RNF216: variants seen among roughly 807,000 people sequenced by gnomAD.
RNF216 encodes the protein ring finger protein 216, also known as E3 ubiquitin-protein ligase RNF216.
In RNF216, 72 loss-of-function variants were observed where a neutral mutation model predicts 110.8. That is an observed-to-expected ratio of 0.65 (90% CI 0.54 to 0.79). RNF216 has a LOEUF of 0.79. Ranked by LOEUF, RNF216 falls within the 30% of genes least tolerant of loss-of-function variation. The probability of loss-of-function intolerance (pLI) is 0.00; values close to 1 mark genes in which losing one functional copy is unlikely to be tolerated. For synonymous variants in RNF216, 495 were observed against 407.5 expected, an observed-to-expected ratio of 1.21 and a Z score of -2.59; for missense variants, 1,342 against 1,141.2, an observed-to-expected ratio of 1.18 and a Z score of -2.54.
chr7:5,634,721 C>T (rs1787293048), intron 15 of RNF216, among the ~76,000 whole-genome samples: 1 of 152,220 alleles, frequency 6.6e-6, no homozygotes, highest in Admixed American at 6.5e-5. Context: ...AGAATGTGGC[C>T]ATGTTTTGCG....
At chr7:5,715,601 G>C (rs1268159102) in intron 10 of RNF216, among the ~76,000 whole-genome samples, 1 of 45,270 alleles carries the variant, frequency 2.2e-5, no homozygotes, top group Non-Finnish European at 9.5e-5. Flanking sequence ...TAAGGAGTGT[G>C]AATGGGTCTA....
chr7:5,720,940 G>A (rs1793380059), intron 9 of RNF216, 93 bp downstream of exon 9: 6 of 1,249,392 alleles, frequency 4.8e-6, no homozygotes, highest in South Asian at 3.3e-5. Context: ...TGAAGAAAAG[G>A]GAAATCTTAA....
intron 8 of RNF216, among the ~76,000 whole-genome samples, 172 bp downstream of exon 8, chr7:5,725,152 C>T (rs1334437587): frequency 6.6e-6 from 1 of 152,210 alleles, no homozygotes; most frequent in African/African-American, 2.4e-5. Flanking sequence ...ACAAGTGCAG[C>T]CACTTCCTAA....
intron 1 of RNF216, among the ~76,000 whole-genome samples, chr7:5,769,594 T>C (rs1796388141): frequency 1.3e-5 from 2 of 151,410 alleles, no homozygotes; most frequent in East Asian, 2.0e-4. Context: ...CATGGTGGCA[T>C]GCACCTGTGG....
At position 5,737,827 on chromosome 7, in the gene RNF216, T is replaced by C. The variant is rs1033384700; in HGVS notation, c.1121+1449A>G. 9.2e-5 allele frequency among the ~76,000 whole-genome samples: 14 copies of C among 152,192 alleles called. No individual in the cohort carries two copies. In the East Asian group the frequency reaches 2.3e-3, roughly 25 times the overall value. On this transcript the variant is annotated intron_variant, in intron 5 of 16. Coordinates refer to ENST00000389902, the MANE Select transcript of RNF216 (RefSeq NM_207111.4). ...CCACCAGGCTGAGCACGGTGGCTTATGGCTGTAATCCCAGCACTTTGAGAG... is the reference window on the plus strand; with the variant it reads ...CCACCAGGCTGAGCACGGTGGCTTACGGCTGTAATCCCAGCACTTTGAGAG...
chr7:5,689,220 A>G (rs951978462), intron 13 of RNF216, among the ~76,000 whole-genome samples: 1 of 152,052 alleles, frequency 6.6e-6, no homozygotes, highest in African/African-American at 2.4e-5. Context: ...ACGGGGGCAA[A>G]GGGCAGGCCT....
At chr7:5,733,355 A>T (rs375179866) in intron 5 of RNF216, among the ~76,000 whole-genome samples, 2 of 152,202 alleles carry the variant, frequency 1.3e-5, no homozygotes, top group East Asian at 1.9e-4. Flanking sequence ...AAAAATAAGT[A>T]CACGTGTGAG....
At chr7:5,628,765 C>T (rs1786877579) in intron 15 of RNF216, among the ~76,000 whole-genome samples, 1 of 151,958 alleles carries the variant, frequency 6.6e-6, no homozygotes, top group Non-Finnish European at 1.5e-5. Context: ...AAGCGATGCA[C>T]CCAACCTTGG....
chr7:5,623,024 G>A lies in RNF216; in HGVS notation c.2608C>T (p.Arg870Trp), dbSNP rs1353027171. Residue 870 changes from arginine (R) to tryptophan (W), a missense_variant, in exon 17 of 17, where the codon CGG becomes TGG. Arg to Trp is a moderately radical substitution (Grantham distance 101). Coordinates refer to ENST00000389902, the MANE Select transcript of RNF216 (RefSeq NM_207111.4). ...AHPPFPLPPV[R>W]PVFNNFPLNM... is the part of the protein sequence containing the mutation. ...AGTGGGAAGTTGTTGAACACAGGCC[G>A]CACGGGAGGCAGGGGGAAGGGTGGG... The A allele has an allele frequency of 1.2e-5, 19 of 1,613,918 alleles. No homozygotes were observed. Among genetic ancestry groups the A allele is most frequent in the East Asian group, 4.5e-5 (2 of 44,890 alleles).
At position 5,771,410 on chromosome 7, in the gene RNF216, A is replaced by G. The variant is rs551317040; in HGVS notation, c.-70+10131T>C. On this transcript the variant is annotated intron_variant, in intron 1 of 16. Transcript: ENST00000389902. ...AGAAAAAACTGAAACACTATACATT[A>G]AAATTAAGCATGTCTACTCACCAAA... Among the ~76,000 whole-genome samples the G allele has an allele frequency of 2.6e-5, 4 of 152,326 alleles. No homozygotes were observed. The East Asian group carries it at 7.7e-4, about 29-fold the overall frequency.
chr7:5,665,061 G>C (rs1188810382), intron 13 of RNF216, among the ~76,000 whole-genome samples: 3 of 152,126 alleles, frequency 2.0e-5, no homozygotes, highest in Non-Finnish European at 4.4e-5. Flanking sequence ...GCCTCCCAAA[G>C]TGCTGCGATT....
Position 5,663,081 on chromosome 7 carries a change from A to C in RNF216, c.2062-10571T>G, listed in dbSNP as rs1201899229. On this transcript the variant is annotated intron_variant, in intron 13 of 16. Coordinates refer to ENST00000389902, the MANE Select transcript of RNF216 (RefSeq NM_207111.4). ...CAAATACCAGTGGCTTGGGAAACCC[A>C]AATGACCCGGGAAGAGCTGGCACTT... 2.0e-5 allele frequency among the ~76,000 whole-genome samples: 3 copies of C among 152,290 alleles called. No individual in the cohort carries two copies. The East Asian group carries it at 5.8e-4, about 29-fold the overall frequency.
At chr7:5,657,105 C>T (rs1334857056) in intron 13 of RNF216, among the ~76,000 whole-genome samples, 1 of 152,252 alleles carries the variant, frequency 6.6e-6, no homozygotes, top group Non-Finnish European at 1.5e-5. Flanking sequence ...GTCTCAGAAG[C>T]AGAACAAAGT....
intron 7 of RNF216, among the ~76,000 whole-genome samples, chr7:5,726,057 A>C (rs1793733006): frequency 6.6e-6 from 1 of 152,094 alleles, no homozygotes; most frequent in South Asian, 2.1e-4. Context: ...GGGGTGGATC[A>C]CTTGAGCTTA....
chr7:5,657,704 T>A (rs1788835609), intron 13 of RNF216, among the ~76,000 whole-genome samples: 1 of 152,204 alleles, frequency 6.6e-6, no homozygotes, highest in Non-Finnish European at 1.5e-5. Context: ...CATCTGTGTC[T>A]TCTAGTTGTC....
intron 15 of RNF216, among the ~76,000 whole-genome samples, chr7:5,634,049 G>C (rs1562773948): frequency 6.6e-6 from 1 of 152,232 alleles, no homozygotes; most frequent in Admixed American, 6.5e-5. Context: ...GTAATCAGCA[G>C]CCACAGGCTG....
intron 14 of RNF216, among the ~76,000 whole-genome samples, chr7:5,643,626 T>C (rs1314974670): frequency 1.3e-5 from 2 of 152,146 alleles, no homozygotes; most frequent in Non-Finnish European, 1.5e-5. Context: ...TCTCAGCCCG[T>C]CCCCTTTGTG....
At chr7:5,688,115 C>G (rs570464547) in intron 13 of RNF216, among the ~76,000 whole-genome samples, 179 of 152,354 alleles carry the variant, frequency 1.2e-3, no homozygotes, top group African/African-American at 4.1e-3. Context: ...GCTCTATGTC[C>G]TGGATTCCCA....
At position 5,712,984 on chromosome 7, in the gene RNF216, A is replaced by T. The variant is rs187786746; in HGVS notation, c.1834-121T>A. ...ATAGCAAGGATCTCTCTGCCTGTTC[A>T]TCTCTGAGAAATCACACTTAAATCA... is the stretch of plus-strand genomic sequence containing the variant. On this transcript the variant is annotated intron_variant, in intron 11 of 16. Transcript: ENST00000389902. 112 of 894,128 alleles carry T rather than the reference A, an allele frequency of 1.3e-4. No individual in the cohort carries two copies. The East Asian group carries it at 2.9e-3, about 23-fold the overall frequency. The allele number at this position is 894,128 out of a possible 1,614,324, so 55.4% of individuals were successfully genotyped here.
Sources: allele counts gnomAD v4.1 joint callset (sites outside exome capture counted in the v4.1 genomes callset), GRCh38; gene constraint gnomAD v4.1.1; transcripts MANE v1.5; gene names NCBI Gene and HGNC (gene_info 2026-07-23, HGNC 2026-07-21).